CACNA1C: variants seen among roughly 807,000 people sequenced by gnomAD.
CACNA1C encodes calcium voltage-gated channel subunit alpha1 C.
A neutral mutation model predicts 229.0 loss-of-function variants in CACNA1C; 30 were observed. The observed-to-expected ratio is 0.13, with a 90% CI of 0.10 to 0.18. The LOEUF is 0.18. Ranked by LOEUF, CACNA1C falls within the 10% of genes least tolerant of loss-of-function variation. CACNA1C has a pLI of 1.00. For missense variants in CACNA1C, 1,658 were observed against 2,845.0 expected, an observed-to-expected ratio of 0.58 and a Z score of 9.49; for synonymous variants, 1,114 against 1,132.5, an observed-to-expected ratio of 0.98 and a Z score of 0.33.
chr12:1,989,401 A>G lies in CACNA1C; in HGVS notation c.139+18200A>G, dbSNP rs115701950. On this transcript the variant is annotated intron_variant, in intron 1 of 46. Coordinates refer to the CACNA1C transcript ENST00000682462. The stretch of plus-strand genomic sequence containing the variant: ...GAGCAAAGAGAAAAAGGAAAGAGGA[A>G]AGAAAAGGGAAAGGGAAAGGGAAAG... Among the ~76,000 whole-genome samples, 366 of 152,188 alleles carry G rather than the reference A, an allele frequency of 2.4e-3. 2 individuals are homozygous for G. The highest frequency in any genetic ancestry group is 8.6e-3 in the African/African-American group (356 of 41,554).
rs1439703677 is a variant in CACNA1C at position 2,691,912 on chromosome 12, G to T, written c.*713G>T. 6.6e-6 allele frequency: 1 copy of T among 152,198 alleles called. No homozygotes were observed. Among genetic ancestry groups the T allele is most frequent in the African/African-American group, 2.4e-5 (1 of 41,450 alleles). 9.4% of individuals were successfully genotyped at this position (152,198 alleles called of 1,614,324 possible). On this transcript the variant is annotated 3_prime_UTR_variant, in exon 47 of 47. Transcript: ENST00000399655. Reference sequence around the variant, plus strand: ...CCGCTGAGCGCTCTTTTGTTTTGTGGTTTGACACTTTTCTTGACAGCATGT... The same window carrying T: ...CCGCTGAGCGCTCTTTTGTTTTGTGTTTTGACACTTTTCTTGACAGCATGT...
In CACNA1C at chr12:2,488,253, G is replaced by C. The variant is rs574078907; in HGVS notation, c.916+1991G>C. 2.8e-4 allele frequency among the ~76,000 whole-genome samples: 42 copies of C among 152,310 alleles called. No individual in the cohort carries two copies. Among genetic ancestry groups the C allele is most frequent in the Admixed American group, 1.1e-3 (17 of 15,302 alleles). ...GCCGGTGGTGGGCTCCTGCAAGGGC[G>C]GGTGAGGATAAGCGGCCCTGAATAC... On this transcript the variant is annotated intron_variant, in intron 6 of 46. Transcript: ENST00000399655. The surrounding 1 kb of genome is among the most constrained non-coding windows in gnomAD (Gnocchi z 4.0).
intron 3 of CACNA1C, among the ~76,000 whole-genome samples, chr12:2,415,591 A>G (rs1237930445): frequency 3.9e-5 from 6 of 152,068 alleles, no homozygotes; most frequent in Admixed American, 3.9e-4. Context: ...ACAGTGACAC[A>G]CTCTGTGGCT....
At chr12:1,993,044 AG>A (rs775790583) in intron 1 of CACNA1C, 2 of 686,286 alleles carry the variant, frequency 2.9e-6, no homozygotes, top group Non-Finnish European at 5.1e-6. Flanking sequence ...GACAGGGTTT[AG>A]GTTTATATCA....
chr12:2,361,182 A>G (rs564201429), intron 3 of CACNA1C, among the ~76,000 whole-genome samples: 1 of 151,932 alleles, frequency 6.6e-6, no homozygotes, highest in Non-Finnish European at 1.5e-5. Context: ...AAAAAAAAAA[A>G]GCTCCAATAT....
rs1555274712 is a variant in CACNA1C at position 2,177,587 on chromosome 12, C to CCCTTCCTTCCTT, written c.477+57187_477+57198dup. Among the ~76,000 whole-genome samples, 233 of 78,484 alleles carry CCCTTCCTTCCTT rather than the reference C, an allele frequency of 3.0e-3. 1 individual carries two copies. Among genetic ancestry groups the CCCTTCCTTCCTT allele is most frequent in the African/African-American group, 5.2e-3 (86 of 16,622 alleles). 51.5% of individuals were successfully genotyped at this position (78,484 alleles called of 152,430 possible). On this transcript the variant is annotated intron_variant, in intron 3 of 46. Transcript: ENST00000399655. ...TCCCTCCCTCCCTCCCTCCCTCCCT[C>CCCTTCCTTCCTT]CCTTCCTTCCTTCCTTCCTTCCTTC...
At chr12:2,667,279 A>ACTCCGTGCTCCTTTTCTCCCTCCC (rs1569148521) in intron 37 of CACNA1C, among the ~76,000 whole-genome samples, 2 of 151,788 alleles carry the variant, frequency 1.3e-5, no homozygotes, top group African/African-American at 2.4e-5. Context: ...CACCATGGCC[A>ACTCCGTGCTCCTTTTCTCCCTCCC]CTCCACGCTC....
Position 2,115,317 on chromosome 12 carries a change from C to T in CACNA1C, c.143C>T (p.Ala48Val). 1 of 1,593,556 alleles carries T rather than the reference C, an allele frequency of 6.3e-7. No homozygotes were observed. The highest frequency in any genetic ancestry group is 8.5e-7 in the Non-Finnish European group (1 of 1,172,146). ...LAPEHIPTPG[A>V]ALSWQAAIDA... ...CCTGAGCACATCCCCACCCCGGGGG[C>T]TGCCCTGTCGTGGCAGGCGGCCATC... is the stretch of plus-strand genomic sequence containing the variant. The change falls in exon 2 of 47, where the codon GCT becomes GTT. Residue 48 changes from alanine (A) to valine (V), a missense_variant. Ala to Val is a moderately conservative substitution (Grantham distance 64). This residue lies in a region of CACNA1C where 111 missense variants were observed against 128.0 expected (regional missense o/e 0.87). Coordinates refer to ENST00000399655, the MANE Select transcript of CACNA1C (RefSeq NM_000719.7).
intron 30 of CACNA1C, among the ~76,000 whole-genome samples, chr12:2,643,206 T>C (rs2093934902): frequency 6.6e-6 from 1 of 152,352 alleles, no homozygotes; most frequent in East Asian, 1.9e-4. Context: ...TCCTTCTAGC[T>C]GGAATTCCAC....
At chr12:2,212,864 T>C (rs1300072902) in intron 3 of CACNA1C, among the ~76,000 whole-genome samples, 1 of 152,212 alleles carries the variant, frequency 6.6e-6, no homozygotes, top group East Asian at 1.9e-4. Flanking sequence ...CTGGACACCA[T>C]GCATTTTCTC....
intron 30 of CACNA1C, chr12:2,641,852 A>G (rs2153607205): frequency 1.4e-6 from 1 of 696,360 alleles, no homozygotes; most frequent in Non-Finnish European, 2.6e-6. Flanking sequence ...TACTCTGCTT[A>G]AGAGTATGGC....
At position 2,313,714 on chromosome 12, in the gene CACNA1C, G is replaced by C. The variant is rs372168307; in HGVS notation, c.478-135262G>C. Among the ~76,000 whole-genome samples, 4 of 152,198 alleles carry C rather than the reference G, an allele frequency of 2.6e-5. No homozygotes were observed. The East Asian group carries it at 7.7e-4, about 29-fold the overall frequency. ...CCCTCCCTGCCTTAGGGAAGGAGTC[G>C]GTCAGGTTGGAGCTAAGAGGGCCCG... On this transcript the variant is annotated intron_variant, in intron 3 of 46. Coordinates refer to ENST00000399655, the MANE Select transcript of CACNA1C (RefSeq NM_000719.7).
chr12:2,677,483 C>T lies in CACNA1C; in HGVS notation c.4957-250C>T, dbSNP rs926848171. ...CTCTCAAATACTTCACTGAGGCTCC[C>T]GTGACAGCCCCTGACCCCTGGTGCC... On this transcript the variant is annotated intron_variant, in intron 40 of 46. Coordinates refer to ENST00000399655, the MANE Select transcript of CACNA1C (RefSeq NM_000719.7). This position sits in a 1 kb window ranked among gnomAD's most constrained non-coding sequence, Gnocchi z 7.4. 4.1e-5 allele frequency: 25 copies of T among 611,878 alleles called. No individual in the cohort carries two copies. Among genetic ancestry groups the T allele is most frequent in the East Asian group, 2.2e-4 (8 of 35,948 alleles). 37.9% of individuals were successfully genotyped at this position (611,878 alleles called of 1,614,324 possible).
At position 2,088,924 on chromosome 12, in the gene CACNA1C, C is replaced by T. The variant is rs918777492; in HGVS notation, c.50-26300C>T. 7.9e-5 allele frequency among the ~76,000 whole-genome samples: 12 copies of T among 152,216 alleles called. No individual in the cohort carries two copies. The South Asian group carries it at 8.3e-4, about 11-fold the overall frequency. On this transcript the variant is annotated intron_variant, in intron 1 of 46. Transcript: ENST00000399655. Reference sequence around the variant, plus strand: ...TTAGGCGGGCTGGGCACTTGCTTGCCGTTGATATTCTTAAATGAATCACGT... The same window carrying T: ...TTAGGCGGGCTGGGCACTTGCTTGCTGTTGATATTCTTAAATGAATCACGT...
In CACNA1C at chr12:2,479,932, G is replaced by C. The variant is rs531613778; in HGVS notation, c.758-6172G>C. Among the ~76,000 whole-genome samples, 131 of 152,260 alleles carry C rather than the reference G, an allele frequency of 8.6e-4. No homozygotes were observed. Among genetic ancestry groups the C allele is most frequent in the Non-Finnish European group, 1.5e-3 (103 of 68,020 alleles). ...TCGCTGAGAAGTTGTGGTTAAGATT[G>C]CCCCAGTAAAGCCAGCAGAGTAGAG... On this transcript the variant is annotated intron_variant, in intron 5 of 46. Transcript: ENST00000399655. This position sits in a 1 kb window ranked among gnomAD's most constrained non-coding sequence, Gnocchi z 4.3.
rs1223358760 is a variant in CACNA1C, at chr12:2,601,622, C to T, written c.2854-232C>T. Among the ~76,000 whole-genome samples the T allele has an allele frequency of 6.6e-6, 1 of 152,196 alleles. No homozygotes were observed. The highest frequency in any genetic ancestry group is 2.4e-5 in the African/African-American group (1 of 41,456). ...GACTAAAGAGCCTGGCTTGGCCTGG[C>T]AGGTGCAAGGAGCCACCCAGCAGTC... On this transcript the variant is annotated intron_variant, in intron 21 of 46. Coordinates refer to ENST00000399655, the MANE Select transcript of CACNA1C (RefSeq NM_000719.7). This position sits in a 1 kb window ranked among gnomAD's most constrained non-coding sequence, Gnocchi z 5.9.
rs932710375 is a variant in CACNA1C at position 2,265,831 on chromosome 12, A to C, written c.477+145401A>C. 1.6e-4 allele frequency among the ~76,000 whole-genome samples: 25 copies of C among 152,252 alleles called. 1 individual carries two copies. The highest frequency in any genetic ancestry group is 1.6e-3 in the Admixed American group (25 of 15,302). ...GAGAGGGAGAGCTGGGTGGCCCAGC[A>C]ATCTCTGGAGCCCCTTTTGGCTCAG... On this transcript the variant is annotated intron_variant, in intron 3 of 46. Transcript: ENST00000399655.
chr12:2,677,033 G>T lies in CACNA1C; in HGVS notation c.4829-61G>T. On this transcript the variant is annotated intron_variant, in intron 39 of 46. Coordinates refer to ENST00000399655, the MANE Select transcript of CACNA1C (RefSeq NM_000719.7). The surrounding 1 kb of genome is among the most constrained non-coding windows in gnomAD (Gnocchi z 7.4). ...TTGGATGCTGAAAAAAAAAATGAAT[G>T]AAGTTCAACTGAATTCCCCTGCTCC... 7.2e-7 allele frequency: 1 copy of T among 1,385,332 alleles called. No homozygotes were observed. The highest frequency in any genetic ancestry group is 1.9e-5 in the Admixed American group (1 of 52,126). 85.8% of individuals were successfully genotyped at this position (1,385,332 alleles called of 1,614,324 possible). A position where few individuals can be genotyped will look rare whatever the true frequency, so the allele number is the denominator to read the frequency against.
rs1004940500 is a variant in CACNA1C, at chr12:2,665,867, G to A, written c.4526+159G>A. Among the ~76,000 whole-genome samples, 1 of 152,174 alleles carries A rather than the reference G, an allele frequency of 6.6e-6. No homozygotes were observed. Among genetic ancestry groups the A allele is most frequent in the Non-Finnish European group, 1.5e-5 (1 of 68,034 alleles). ...GTGAAAGGTCAAGGGCCAGCAGGAGGAGGCCCGGCACCTTCAATTAAGTCA... is the reference window on the plus strand; with the variant it reads ...GTGAAAGGTCAAGGGCCAGCAGGAGAAGGCCCGGCACCTTCAATTAAGTCA... On this transcript the variant is annotated intron_variant, in intron 36 of 46. Coordinates refer to ENST00000399655, the MANE Select transcript of CACNA1C (RefSeq NM_000719.7). The surrounding 1 kb of genome is among the most constrained non-coding windows in gnomAD (Gnocchi z 5.9).
Sources: gnomAD v4.1 joint callset for allele counts (sites outside exome capture counted in the v4.1 genomes callset) on GRCh38, gnomAD v4.1.1 for gene constraint, gnomAD v4.1.1 regional missense constraint, Gnocchi (gnomAD v3.1) non-coding constraint, MANE v1.5 for transcripts, NCBI Gene and HGNC (gene_info 2026-07-23, HGNC 2026-07-21) for gene names.